ATG2B: variants seen among roughly 807,000 people sequenced by gnomAD.
The protein encoded by ATG2B is autophagy related 2B.
In ATG2B, 121 loss-of-function variants were observed where a neutral mutation model predicts 241.3. The ratio of observed to expected loss-of-function variants is 0.50; its 90% CI spans 0.43 to 0.58. ATG2B has a LOEUF of 0.58. Among genes scored for constraint, ATG2B ranks in the 20% least tolerant of loss-of-function variants. The pLI is 0.00. For missense variants in ATG2B, 2,306 were observed against 2,491.6 expected (o/e 0.93, Z 1.59); for synonymous variants, 858 against 876.6 (o/e 0.98, Z 0.37).
intron 1 of ATG2B, among the ~76,000 whole-genome samples, chr14:96,353,202 T>C (rs1219407609): frequency 6.6e-6 from 1 of 152,172 alleles, no homozygotes; most frequent in East Asian, 1.9e-4. Flanking sequence ...AAGTACACTA[T>C]GACGTTCACA....
At chr14:96,315,100 A>C (rs919693106) in intron 23 of ATG2B, 54 bp downstream of exon 23, 3 of 1,311,318 alleles carry the variant, frequency 2.3e-6, no homozygotes, top group Non-Finnish European at 3.2e-6. Flanking sequence ...TATGTGTATT[A>C]GATGTCAACA....
chr14:96,314,364 T>A (rs1043937166), intron 23 of ATG2B, among the ~76,000 whole-genome samples: 1 of 152,208 alleles, frequency 6.6e-6, no homozygotes, highest in Non-Finnish European at 1.5e-5. Context: ...AATAACCAAT[T>A]GTATTTTATT....
chr14:96,311,124 C>T lies in ATG2B; in HGVS notation c.4154G>A (p.Arg1385Lys), dbSNP rs1887141732. ...ADMKPGAFQR[R>K]SKVDSSGRSS... Reference sequence around the variant, plus strand: ...TCACATTGCTGACTGTACCTTAGACCTTCTTTGAAAGGCTCCAGGCTTCAT... The same window carrying T: ...TCACATTGCTGACTGTACCTTAGACTTTCTTTGAAAGGCTCCAGGCTTCAT... Residue 1385 changes from arginine to lysine, a missense_variant, in exon 28 of 42, where the codon AGG (arginine) becomes AAG (lysine). By Grantham distance (26) the Arg-to-Lys change is conservative. Transcript: ENST00000359933. 1.9e-6 allele frequency: 3 copies of T among 1,611,326 alleles called. No individual in the cohort carries two copies. Among genetic ancestry groups the T allele is most frequent in the Non-Finnish European group, 2.5e-6 (3 of 1,178,512 alleles).
intron 8 of ATG2B, among the ~76,000 whole-genome samples, chr14:96,333,126 C>T (rs1887783734): frequency 6.6e-6 from 1 of 151,946 alleles, no homozygotes; most frequent in Non-Finnish European, 1.5e-5. Context: ...TTATTATGGC[C>T]AAAATTTTTT....
intron 24 of ATG2B, 70 bp downstream of exon 24, chr14:96,313,259 A>C: frequency 7.3e-7 from 1 of 1,375,618 alleles, no homozygotes; most frequent in Non-Finnish European, 1.0e-6. Context: ...ACTCTACTGA[A>C]TTATGTATTT....
chr14:96,354,820 TTTTAA>T (rs1888430429), intron 1 of ATG2B, among the ~76,000 whole-genome samples: 1 of 152,212 alleles, frequency 6.6e-6, no homozygotes, highest in Admixed American at 6.5e-5. Flanking sequence ...TTGTTTTACT[TTTTAA>T]TAATAGCCAT....
In ATG2B at chr14:96,315,531, G is replaced by C. The variant is rs1887285740; in HGVS notation, c.3414C>G (p.Thr1138=). The C allele has an allele frequency of 1.2e-6, 2 of 1,614,152 alleles. No homozygotes were observed. Among genetic ancestry groups the C allele is most frequent in the Non-Finnish European group, 1.7e-6 (2 of 1,180,018 alleles). ...LPTETRLPSS[T]RPHWLEPTIY... is the part of the protein sequence containing the mutation. ...TAGTAGGTTCCAACCAGTGTGGGCG[G>C]GTTGAGCTGGGAAGTCGTGTTTCTG... is the stretch of plus-strand genomic sequence containing the variant. The change falls in exon 22 of 42, where the codon ACC becomes ACG. Residue 1138 remains threonine (T), a synonymous_variant. Coordinates refer to ENST00000359933, the MANE Select transcript of ATG2B (RefSeq NM_018036.7).
chr14:96,301,194 T>A (rs1201294618), intron 34 of ATG2B, among the ~76,000 whole-genome samples: 2 of 152,234 alleles, frequency 1.3e-5, no homozygotes. Flanking sequence ...CACACTGATT[T>A]ATTTAATCTT....
Position 96,303,034 on chromosome 14 carries a change from T to A in ATG2B, c.5037+27A>T. On this transcript the variant is annotated intron_variant, in intron 33 of 41. Transcript: ENST00000359933. The stretch of plus-strand genomic sequence containing the variant: ...TAAAAACACGTTTCCAAAACTAACA[T>A]AACACAACGATGAGGTTAACTCTTA... 4 of 1,442,274 alleles carry A rather than the reference T, an allele frequency of 2.8e-6. No homozygotes were observed. The South Asian group carries it at 4.8e-5, about 17-fold the overall frequency. 89.3% of individuals were successfully genotyped at this position (1,442,274 alleles called of 1,614,324 possible). A position where few individuals can be genotyped will look rare whatever the true frequency, so the allele number is the denominator to read the frequency against.
chr14:96,303,236 A>G lies in ATG2B; in HGVS notation c.4862T>C (p.Val1621Ala), dbSNP rs1192579061. Residue 1621 changes from valine (V) to alanine (A), a missense_variant, in exon 33 of 42, where the codon GTC (valine) becomes GCC (alanine). Physicochemically the swap from Val to Ala is moderately conservative, Grantham distance 64. Transcript: ENST00000359933. The stretch of plus-strand genomic sequence containing the variant: ...ACAATCAGGTTTGCATGGCGGGTAG[A>G]CTTCATGCTGAAACTTCACCTTAAC... ...QLSKVKFQHE[V>A]YPPCKPDCDS... is the part of the protein sequence containing the mutation. The G allele has an allele frequency of 1.9e-6, 3 of 1,586,452 alleles. No individual in the cohort carries two copies. The highest frequency in any genetic ancestry group is 2.3e-5 in the South Asian group (2 of 87,010).
At chr14:96,299,567 A>G (rs922969723) in intron 34 of ATG2B, among the ~76,000 whole-genome samples, 6 of 152,188 alleles carry the variant, frequency 3.9e-5, no homozygotes, top group African/African-American at 1.4e-4. Context: ...CAGGCAGTAC[A>G]AAACTAAAAT....
chr14:96,315,297 T>C, intron 22 of ATG2B, 63 bp from the exon 23 acceptor site: 1 of 1,587,044 alleles, frequency 6.3e-7, no homozygotes, highest in Non-Finnish European at 8.6e-7. Context: ...TCAAAAGTTT[T>C]TCCAAGAAAA....
At position 96,285,832 on chromosome 14, in the gene ATG2B, G is replaced by A. The variant is rs1886320183; in HGVS notation, c.6160C>T (p.Leu2054=). 1 of 1,614,114 alleles carries A rather than the reference G, an allele frequency of 6.2e-7. No homozygotes were observed. The highest frequency in any genetic ancestry group is 8.5e-7 in the Non-Finnish European group (1 of 1,180,026). Residue 2054 remains leucine (L), a synonymous_variant, in exon 42 of 42, where the codon CTG becomes TTG. Transcript: ENST00000359933. This position sits in a 1 kb window ranked among gnomAD's most constrained non-coding sequence, Gnocchi z 4.2. ...IVATEATSNV[L]GGMRNQIRPD... is the part of the protein sequence containing the mutation. ...CTAATTTGGTTTCTCATGCCACCCA[G>A]CACGTTTGACGTTGCTTCTGTGGCA...
At chr14:96,297,394 T>C (rs1886674053) in intron 34 of ATG2B, among the ~76,000 whole-genome samples, 1 of 151,990 alleles carries the variant, frequency 6.6e-6, no homozygotes, top group Non-Finnish European at 1.5e-5. Context: ...CCAGCTTTTT[T>C]TGTTTTGTTT....
intron 16 of ATG2B, 115 bp downstream of exon 16, chr14:96,323,781 A>T: frequency 1.3e-6 from 1 of 748,028 alleles, no homozygotes; most frequent in Non-Finnish European, 2.3e-6. Flanking sequence ...ATGAACCACA[A>T]AAGAATCAAG....
In ATG2B at chr14:96,281,031, AAT is replaced by A. The variant is rs1489907582; in HGVS notation, c.*4722_*4723del. On this transcript the variant is annotated 3_prime_UTR_variant, in exon 42 of 42. Coordinates refer to ENST00000359933, the MANE Select transcript of ATG2B (RefSeq NM_018036.7). ...TCCTTATTGCAGGGATAGGATAACT[AAT>A]AGAGGGACTAAAATCCAAAGCAGGG... 1 of 152,238 alleles carries A rather than the reference AAT, an allele frequency of 6.6e-6. No homozygotes were observed. The highest frequency in any genetic ancestry group is 1.5e-5 in the Non-Finnish European group (1 of 68,058). The allele number at this position is 152,238 out of a possible 1,614,324, so 9.4% of individuals were successfully genotyped here.
rs1277648953 is a variant in ATG2B, at chr14:96,290,320, TA to T, written c.5856+115del. 1 of 1,363,954 alleles carries T rather than the reference TA, an allele frequency of 7.3e-7. No homozygotes were observed. Among genetic ancestry groups the T allele is most frequent in the African/African-American group, 1.4e-5 (1 of 68,968 alleles). 84.5% of individuals were successfully genotyped at this position (1,363,954 alleles called of 1,614,324 possible). ...AAGCATGACATTAAATCACTACGAATAAAGTATCTACTCACAACATTTTGTA... is the reference window on the plus strand; with the variant it reads ...AAGCATGACATTAAATCACTACGAATAAGTATCTACTCACAACATTTTGTA... On this transcript the variant is annotated intron_variant, in intron 40 of 41. Coordinates refer to ENST00000359933, the MANE Select transcript of ATG2B (RefSeq NM_018036.7). This position sits in a 1 kb window ranked among gnomAD's most constrained non-coding sequence, Gnocchi z 4.4.
intron 1 of ATG2B, among the ~76,000 whole-genome samples, chr14:96,349,892 A>G (rs1888268396): frequency 6.6e-6 from 1 of 152,088 alleles, no homozygotes; most frequent in East Asian, 1.9e-4. Flanking sequence ...AGGTATGGTG[A>G]CTCACGCCTT....
Position 96,363,037 on chromosome 14 carries a change from T to C in ATG2B, c.-61A>G, listed in dbSNP as rs1888723257. 1 of 1,596,026 alleles carries C rather than the reference T, an allele frequency of 6.3e-7. No individual in the cohort carries two copies. The highest frequency in any genetic ancestry group is 1.7e-5 in the Admixed American group (1 of 58,360). The stretch of plus-strand genomic sequence containing the variant: ...GGTTGCGACGGCTCCGGCCTCGGGG[T>C]AGCGACTCCGGCTCCAGGCCGCGGC... On this transcript the variant is annotated 5_prime_UTR_variant, in exon 1 of 42. Transcript: ENST00000359933.
Sources: allele counts gnomAD v4.1 joint callset (sites outside exome capture counted in the v4.1 genomes callset), GRCh38; gene constraint gnomAD v4.1.1; non-coding constraint Gnocchi (gnomAD v3.1); transcripts MANE v1.5; gene names NCBI Gene and HGNC (gene_info 2026-07-23, HGNC 2026-07-21).